The following LRRTM4 variants were observed in gnomAD, a reference collection of about 807,000 sequenced individuals.
LRRTM4 encodes leucine rich repeat transmembrane neuronal 4.
LRRTM4 carries 25 observed loss-of-function variants against 47.6 expected under a neutral mutation model. The observed-to-expected ratio is 0.53, with a 90% CI of 0.38 to 0.73. LRRTM4 has a LOEUF of 0.73. Among genes scored for constraint, LRRTM4 ranks in the 30% least tolerant of loss-of-function variants. The pLI, the probability that LRRTM4 is intolerant of heterozygous loss-of-function variation, is 0.00. For missense variants in LRRTM4, 638 were observed against 713.4 expected, an observed-to-expected ratio of 0.89 and a Z score of 1.20; for synonymous variants, 311 against 269.5, an observed-to-expected ratio of 1.15 and a Z score of -1.51.
At chr2:76,821,923 C>T (rs902062757) in intron 3 of LRRTM4, among the ~76,000 whole-genome samples, 4 of 151,510 alleles carry the variant, frequency 2.6e-5, no homozygotes, top group Middle Eastern at 3.4e-3. Flanking sequence ...TAGTACCTGA[C>T]GTATGTTGGA....
chr2:77,166,744 G>A (rs1046078836), intron 3 of LRRTM4, among the ~76,000 whole-genome samples: 6 of 152,084 alleles, frequency 3.9e-5, no homozygotes, highest in African/African-American at 1.4e-4. Context: ...GGGAAAACTG[G>A]CTAGCCATAT....
intron 3 of LRRTM4, among the ~76,000 whole-genome samples, chr2:77,100,586 A>G (rs1044725514): frequency 2.0e-4 from 31 of 152,166 alleles, no homozygotes; most frequent in Non-Finnish European, 3.8e-4. Context: ...AGGGTTTCTT[A>G]AAAGCCTCTT....
intron 3 of LRRTM4, among the ~76,000 whole-genome samples, chr2:77,471,233 C>G (rs1677176478): frequency 6.6e-6 from 1 of 152,134 alleles, no homozygotes; most frequent in Non-Finnish European, 1.5e-5. Flanking sequence ...AGGTAGTCAT[C>G]ATACAGTTAC....
chr2:76,790,738 TGTCA>T (rs1280192061), intron 3 of LRRTM4, among the ~76,000 whole-genome samples: 1 of 150,272 alleles, frequency 6.7e-6, no homozygotes, highest in African/African-American at 2.5e-5. Flanking sequence ...ACAGGCAAAA[TGTCA>T]GTATCTTCCA....
At chr2:77,325,477 A>T (rs572555049) in intron 3 of LRRTM4, among the ~76,000 whole-genome samples, 2 of 152,176 alleles carry the variant, frequency 1.3e-5, no homozygotes, top group African/African-American at 4.8e-5. Flanking sequence ...ACTGGAAATA[A>T]AATTAGAGTG....
chr2:76,762,723 G>T (rs920786165), intron 3 of LRRTM4, among the ~76,000 whole-genome samples: 6 of 152,178 alleles, frequency 3.9e-5, no homozygotes, highest in African/African-American at 1.4e-4. Context: ...ACTTTGGAAG[G>T]CCTAGGTGGG....
chr2:77,404,799 C>CA (rs1674116260), intron 3 of LRRTM4, among the ~76,000 whole-genome samples: 2 of 152,044 alleles, frequency 1.3e-5, no homozygotes, highest in South Asian at 4.1e-4. Flanking sequence ...GCCTATATCA[C>CA]AGGAGTGGTG....
chr2:77,195,067 A>T (rs1673772609), intron 3 of LRRTM4, among the ~76,000 whole-genome samples: 1 of 152,064 alleles, frequency 6.6e-6, no homozygotes, highest in Non-Finnish European at 1.5e-5. Flanking sequence ...TATATCATTA[A>T]TTTTAAAACA....
chr2:77,417,393 T>G (rs1674677184), intron 3 of LRRTM4, among the ~76,000 whole-genome samples: 1 of 152,172 alleles, frequency 6.6e-6, no homozygotes. Context: ...CATTACTGGG[T>G]ATATACCCAA....
intron 3 of LRRTM4, among the ~76,000 whole-genome samples, chr2:76,770,328 C>CT: frequency 6.6e-6 from 1 of 152,220 alleles, no homozygotes; most frequent in Non-Finnish European, 1.5e-5. Flanking sequence ...ATAACAGTAA[C>CT]TTTTTGCTGT....
chr2:76,804,911 T>TA (rs1315081221), intron 3 of LRRTM4, among the ~76,000 whole-genome samples: 1 of 151,950 alleles, frequency 6.6e-6, no homozygotes, highest in Non-Finnish European at 1.5e-5. Flanking sequence ...TAGAAAATCA[T>TA]ATCACTAAAT....
chr2:77,135,439 A>G (rs1671909119), intron 3 of LRRTM4, among the ~76,000 whole-genome samples: 2 of 152,234 alleles, frequency 1.3e-5, no homozygotes, highest in African/African-American at 4.8e-5. Context: ...AACTCTTCAC[A>G]GAATTACTTA....
At chr2:77,136,120 A>G (rs566197412) in intron 3 of LRRTM4, among the ~76,000 whole-genome samples, 1 of 152,206 alleles carries the variant, frequency 6.6e-6, no homozygotes, top group East Asian at 1.9e-4. Context: ...CTGAGCTTTG[A>G]AGAGAGTAGT....
intron 3 of LRRTM4, among the ~76,000 whole-genome samples, chr2:76,890,831 G>A (rs998893349): frequency 1.3e-5 from 2 of 151,848 alleles, no homozygotes; most frequent in East Asian, 3.9e-4. Flanking sequence ...CAAAGCCAAT[G>A]GCGACTTGCA....
chr2:77,027,843 T>C (rs1309550247), intron 3 of LRRTM4, among the ~76,000 whole-genome samples: 1 of 152,088 alleles, frequency 6.6e-6, no homozygotes, highest in African/African-American at 2.4e-5. Flanking sequence ...ATATTATATA[T>C]TCAATATCCA....
chr2:77,345,072 T>C (rs775741468), intron 3 of LRRTM4, among the ~76,000 whole-genome samples: 21 of 150,948 alleles, frequency 1.4e-4, no homozygotes, highest in South Asian at 4.2e-4. Context: ...AAAATAATTA[T>C]ATAAATAGTA....
intron 3 of LRRTM4, among the ~76,000 whole-genome samples, chr2:77,313,146 C>T (rs1287952046): frequency 6.8e-6 from 1 of 146,490 alleles, no homozygotes; most frequent in Admixed American, 6.7e-5. Flanking sequence ...CTATGTTTTC[C>T]TGGGACCTGT....
At chr2:77,086,409 A>AGTGTGTGTGT (rs111490311) in intron 3 of LRRTM4, among the ~76,000 whole-genome samples, 6,488 of 150,672 alleles carry the variant, frequency 0.043, 160 homozygotes, top group South Asian at 0.082. Context: ...AAACATTTTT[A>AGTGTGTGTGT]GTGTGTGTAT....
chr2:77,447,435 G>GT (rs1676095883), intron 3 of LRRTM4, among the ~76,000 whole-genome samples: 1 of 152,056 alleles, frequency 6.6e-6, no homozygotes, highest in Admixed American at 6.6e-5. Context: ...ATAGAGCTTG[G>GT]TAGGAAACAC....
Sources: gnomAD v4.1 joint callset for allele counts (sites outside exome capture counted in the v4.1 genomes callset) on GRCh38, gnomAD v4.1.1 for gene constraint, MANE v1.5 for transcripts, NCBI Gene and HGNC (gene_info 2026-07-23, HGNC 2026-07-21) for gene names.